The following MAPK14 variants were observed in gnomAD, a reference collection of about 807,000 sequenced individuals.
MAPK14 encodes the protein mitogen-activated protein kinase 14.
MAPK14 carries 16 observed loss-of-function variants against 49.6 expected under a neutral mutation model. That is an observed-to-expected ratio of 0.32 (90% CI 0.22 to 0.49). The LOEUF is 0.49. Among genes scored for constraint, MAPK14 ranks in the 20% least tolerant of loss-of-function variants. The pLI is 0.99. For missense variants in MAPK14, 200 were observed against 441.2 expected, an observed-to-expected ratio of 0.45 and a Z score of 4.90; for synonymous variants, 142 against 158.0, an observed-to-expected ratio of 0.90 and a Z score of 0.76.
At chr6:36,087,520 C>T (rs970347402) in intron 8 of MAPK14, among the ~76,000 whole-genome samples, 2 of 151,846 alleles carry the variant, frequency 1.3e-5, no homozygotes, top group African/African-American at 4.9e-5. Flanking sequence ...CATGAATGAA[C>T]TCTTATTCAC....
rs1765818273 is a variant in MAPK14, at chr6:36,107,067, C to T, written c.842-388C>T. ...ATTTAAAAAAATTCTTCTTTAGTAACATATTCTTTAAAAATACAAAATACA... is the reference window on the plus strand; with the variant it reads ...ATTTAAAAAAATTCTTCTTTAGTAATATATTCTTTAAAAATACAAAATACA... On this transcript the variant is annotated intron_variant, in intron 10 of 11. Coordinates refer to ENST00000229794, the MANE Select transcript of MAPK14 (RefSeq NM_139012.3). This position sits in a 1 kb window ranked among gnomAD's most constrained non-coding sequence, Gnocchi z 4.3. 6.6e-6 allele frequency among the ~76,000 whole-genome samples: 1 copy of T among 152,086 alleles called. No homozygotes were observed. Among genetic ancestry groups the T allele is most frequent in the African/African-American group, 2.4e-5 (1 of 41,402 alleles).
At chr6:36,053,791 G>A (rs1763489280) in intron 2 of MAPK14, among the ~76,000 whole-genome samples, 1 of 152,102 alleles carries the variant, frequency 6.6e-6, no homozygotes, top group Non-Finnish European at 1.5e-5. Context: ...CTCTTCATTA[G>A]CGTACATTTG....
intron 8 of MAPK14, among the ~76,000 whole-genome samples, chr6:36,081,705 A>ATTGCT (rs1390295166): frequency 1.1e-4 from 16 of 152,120 alleles, no homozygotes; most frequent in Admixed American, 3.3e-4. Context: ...CTTTTTCAAG[A>ATTGCT]TTGCTTTGAC....
intron 4 of MAPK14, chr6:36,073,230 T>C (rs1764379471): frequency 2.1e-6 from 1 of 485,738 alleles, no homozygotes; most frequent in African/African-American, 1.9e-5. Flanking sequence ...GTCTAGACAT[T>C]ATATAATACC....
chr6:36,033,809 A>T (rs1469764844), intron 1 of MAPK14, among the ~76,000 whole-genome samples: 1 of 152,236 alleles, frequency 6.6e-6, no homozygotes, highest in East Asian at 1.9e-4. Context: ...GAATTCAAAG[A>T]TGGAAGAATT....
At chr6:36,116,964 G>A in the MAPK14 span, among the ~76,000 whole-genome samples, 1 of 152,314 alleles carries the variant, frequency 6.6e-6, no homozygotes, top group South Asian at 2.1e-4. Flanking sequence ...GTTCCAAAGA[G>A]TTTTATAGCA....
the MAPK14 span, among the ~76,000 whole-genome samples, chr6:36,118,414 CTG>C: frequency 3.9e-5 from 6 of 152,230 alleles, no homozygotes; most frequent in Admixed American, 6.5e-5. Flanking sequence ...TAAACAATGA[CTG>C]TACCATCTCG....
chr6:36,054,783 C>T (rs533751549), intron 2 of MAPK14, among the ~76,000 whole-genome samples: 23 of 152,290 alleles, frequency 1.5e-4, no homozygotes, highest in African/African-American at 4.6e-4. Flanking sequence ...AAATTCATCT[C>T]GTTTACCCTC....
intron 3 of MAPK14, among the ~76,000 whole-genome samples, chr6:36,070,703 C>T (rs2127438614): frequency 6.6e-6 from 1 of 152,236 alleles, no homozygotes; most frequent in East Asian, 1.9e-4. Context: ...TGTTGATCTT[C>T]ATGAAATTGA....
chr6:36,084,252 A>G (rs1764886305), intron 8 of MAPK14, among the ~76,000 whole-genome samples: 2 of 152,226 alleles, frequency 1.3e-5, no homozygotes, highest in Admixed American at 6.5e-5. Context: ...GAATCAATGA[A>G]AAAACGCTGA....
chr6:36,113,930 C>A (rs773080075), downstream of MAPK14, among the ~76,000 whole-genome samples: 1 of 152,202 alleles, frequency 6.6e-6, no homozygotes, highest in South Asian at 2.1e-4. Flanking sequence ...TACTTTGTAG[C>A]GGCATTCTCC....
Position 36,107,884 on chromosome 6 carries a change from T to A in MAPK14, c.1015+256T>A, listed in dbSNP as rs890453538. Among the ~76,000 whole-genome samples, 12 of 152,178 alleles carry A rather than the reference T, an allele frequency of 7.9e-5. No homozygotes were observed. Among genetic ancestry groups the A allele is most frequent in the Non-Finnish European group, 1.8e-4 (12 of 68,024 alleles). On this transcript the variant is annotated intron_variant, in intron 11 of 11. Transcript: ENST00000229794. The surrounding 1 kb of genome is among the most constrained non-coding windows in gnomAD (Gnocchi z 4.3). ...GGAGAGTTGAGGTTTTCAGAGTCAT[T>A]GCATTTACAACATCTCTCTGAGCTT...
intron 8 of MAPK14, among the ~76,000 whole-genome samples, chr6:36,083,823 A>AG (rs766668938): frequency 4.6e-5 from 7 of 152,162 alleles, no homozygotes; most frequent in Non-Finnish European, 7.4e-5. Context: ...GATTTCCCCC[A>AG]GTGCAGCACA....
At chr6:36,042,717 G>A (rs191889589) in intron 1 of MAPK14, among the ~76,000 whole-genome samples, 2 of 151,668 alleles carry the variant, frequency 1.3e-5, no homozygotes, top group African/African-American at 2.4e-5. Context: ...GCCCAGGCTG[G>A]TCTTGAACTC....
chr6:36,100,300 A>G (rs1368526169), intron 9 of MAPK14: 1 of 1,476,306 alleles, frequency 6.8e-7, no homozygotes, highest in Non-Finnish European at 9.5e-7. Flanking sequence ...GGGATGTCGC[A>G]CTGAGAAGCC....
chr6:36,099,945 A>G (rs909982416), intron 9 of MAPK14, among the ~76,000 whole-genome samples: 1 of 152,180 alleles, frequency 6.6e-6, no homozygotes, highest in African/African-American at 2.4e-5. Flanking sequence ...AGTAAAGATG[A>G]TGCTAAAACC....
At chr6:36,077,471 A>G (rs546804502) in intron 8 of MAPK14, among the ~76,000 whole-genome samples, 2 of 152,236 alleles carry the variant, frequency 1.3e-5, no homozygotes, top group Non-Finnish European at 2.9e-5. Context: ...TATTATGCCT[A>G]GAGATCTAAA....
At chr6:36,061,749 A>G (rs1299566401) in intron 3 of MAPK14, among the ~76,000 whole-genome samples, 1 of 152,208 alleles carries the variant, frequency 6.6e-6, no homozygotes, top group African/African-American at 2.4e-5. Context: ...CAAGCTACCA[A>G]TTGGCCATAT....
At chr6:36,120,114 A>G in the MAPK14 span, among the ~76,000 whole-genome samples, 37 of 152,278 alleles carry the variant, frequency 2.4e-4, no homozygotes, top group African/African-American at 5.3e-4. Context: ...TGCTTGATCA[A>G]TCGGGGCCTC....
Sources: gnomAD v4.1 joint callset for allele counts (sites outside exome capture counted in the v4.1 genomes callset) on GRCh38, gnomAD v4.1.1 for gene constraint, Gnocchi (gnomAD v3.1) non-coding constraint, MANE v1.5 for transcripts, NCBI Gene and HGNC (gene_info 2026-07-23, HGNC 2026-07-21) for gene names.